Variants in DCC observed in about 807,000 individuals in gnomAD.
DCC encodes the protein netrin receptor DCC.
In DCC, 58 loss-of-function variants were observed where a neutral mutation model predicts 172.5. The observed-to-expected ratio is 0.34, with a 90% confidence interval of 0.27 to 0.42. The LOEUF (loss-of-function observed/expected upper bound fraction) is 0.42. DCC is among the 10% of genes least tolerant of loss of function. The pLI is 1.00. For synonymous variants in DCC, 709 were observed against 644.5 expected (o/e 1.10, Z -1.52); for missense variants, 1,740 against 1,791.0 (o/e 0.97, Z 0.51).
chr18:52,660,382 T>A (rs2144945699), intron 1 of DCC, among the ~76,000 whole-genome samples: 1 of 152,214 alleles, frequency 6.6e-6, no homozygotes, highest in Non-Finnish European at 1.5e-5. Context: ...CAATAGTCAA[T>A]TTAAATCCAA....
chr18:53,333,090 A>G (rs1462717122), intron 14 of DCC, among the ~76,000 whole-genome samples: 1 of 151,900 alleles, frequency 6.6e-6, no homozygotes, highest in Non-Finnish European at 1.5e-5. Context: ...AAAAAGGAGA[A>G]TATTGACAAA....
intron 7 of DCC, among the ~76,000 whole-genome samples, chr18:53,154,248 A>G (rs1284056296): frequency 6.6e-6 from 1 of 152,170 alleles, no homozygotes; most frequent in African/African-American, 2.4e-5. Flanking sequence ...AGGTATAGCC[A>G]TATAGATAAT....
chr18:52,390,824 TTG>T (rs1986002419), intron 1 of DCC, among the ~76,000 whole-genome samples: 1 of 152,220 alleles, frequency 6.6e-6, no homozygotes, highest in South Asian at 2.1e-4. Flanking sequence ...AAGTCAGAAA[TTG>T]TTAGTTGTAT....
intron 12 of DCC, among the ~76,000 whole-genome samples, chr18:53,288,099 A>C (rs1288874492): frequency 6.6e-6 from 1 of 152,146 alleles, no homozygotes; most frequent in Admixed American, 6.5e-5. Flanking sequence ...TTAGTTAAAA[A>C]TTGACTTTCT....
intron 5 of DCC, among the ~76,000 whole-genome samples, chr18:52,980,493 C>T (rs1027544333): frequency 1.3e-5 from 2 of 151,796 alleles, no homozygotes; most frequent in East Asian, 1.9e-4. Context: ...TTTGTTGGCT[C>T]GTTTCAAGGG....
chr18:52,895,014 G>A lies in DCC; in HGVS notation c.413-11030G>A, dbSNP rs117192509. ...TGACTGACTGACTGAATGAGTGGGT[G>A]ATCTGGGAATTCTCATTAAGTAATG... is the stretch of plus-strand genomic sequence containing the variant. On this transcript the variant is annotated intron_variant, in intron 2 of 28. Coordinates refer to ENST00000442544, the MANE Select transcript of DCC (RefSeq NM_005215.4). Among the ~76,000 whole-genome samples the A allele has an allele frequency of 3.9e-3, 601 of 152,328 alleles. 3 individuals are homozygous for A. The highest frequency in any genetic ancestry group is 6.3e-3 in the Non-Finnish European group (431 of 68,026).
At chr18:52,378,557 G>T (rs553888586) in intron 1 of DCC, among the ~76,000 whole-genome samples, 4 of 151,296 alleles carry the variant, frequency 2.6e-5, no homozygotes, top group South Asian at 2.1e-4. Flanking sequence ...TACTTTTTTT[G>T]AGAGAGAGAG....
intron 1 of DCC, among the ~76,000 whole-genome samples, chr18:52,451,456 C>T (rs1022427566): frequency 2.0e-5 from 3 of 152,116 alleles, no homozygotes; most frequent in African/African-American, 4.8e-5. Context: ...CTCACACGCC[C>T]GGTAGCCCCA....
intron 15 of DCC, among the ~76,000 whole-genome samples, chr18:53,358,367 C>CA (rs571966258): frequency 2.6e-5 from 4 of 151,232 alleles, no homozygotes; most frequent in Non-Finnish European, 4.4e-5. Context: ...TGTTTACTTA[C>CA]AAAAAAAATT....
intron 21 of DCC, among the ~76,000 whole-genome samples, chr18:53,432,737 T>G (rs1282537039): frequency 8.1e-5 from 10 of 123,492 alleles, no homozygotes; most frequent in African/African-American, 3.9e-4. Context: ...GAGAATCTTT[T>G]ATCATTATTA....
intron 24 of DCC, among the ~76,000 whole-genome samples, chr18:53,466,604 C>T (rs1352145703): frequency 6.6e-6 from 1 of 152,156 alleles, no homozygotes; most frequent in Non-Finnish European, 1.5e-5. Flanking sequence ...CAGCTCATTG[C>T]AACCTCCGCC....
chr18:52,970,836 G>GT (rs1319947159), intron 5 of DCC, among the ~76,000 whole-genome samples: 1 of 152,132 alleles, frequency 6.6e-6, no homozygotes, highest in African/African-American at 2.4e-5. Context: ...GGAGCTTGGG[G>GT]TATTATTAGG....
chr18:53,338,953 A>G (rs1018547392), intron 14 of DCC, among the ~76,000 whole-genome samples: 1 of 152,224 alleles, frequency 6.6e-6, no homozygotes, highest in Non-Finnish European at 1.5e-5. Context: ...TGAGTATACA[A>G]TACAAGTTTG....
intron 17 of DCC, 76 bp from the exon 18 acceptor site, chr18:53,397,232 A>T: frequency 7.3e-7 from 1 of 1,366,368 alleles, no homozygotes; most frequent in Non-Finnish European, 1.0e-6. Flanking sequence ...CTTATTTAAT[A>T]GTCTTTTTAT....
chr18:53,046,861 T>G (rs1266668778), intron 5 of DCC, among the ~76,000 whole-genome samples: 1 of 151,876 alleles, frequency 6.6e-6, no homozygotes, highest in Non-Finnish European at 1.5e-5. Context: ...TGACTTACTC[T>G]AAAGAGTCCG....
In DCC at chr18:52,855,763, C is replaced by CTTTT. The variant is rs71175526; in HGVS notation, c.413-50265_413-50262dup. 7.6e-3 allele frequency among the ~76,000 whole-genome samples: 921 copies of CTTTT among 121,206 alleles called. 15 individuals carry two copies. The highest frequency in any genetic ancestry group is 0.011 in the Non-Finnish European group (629 of 59,026). 79.5% of individuals were successfully genotyped at this position (121,206 alleles called of 152,430 possible). A position where few individuals can be genotyped will look rare whatever the true frequency, so the allele number is the denominator to read the frequency against. On this transcript the variant is annotated intron_variant, in intron 2 of 28. Transcript: ENST00000442544. ...GACTTAAAACATTAGCGTATAAATT[C>CTTTT]TTTTTTTTTTTTTTTTTTTGAGATG...
At chr18:53,353,121 T>C (rs1284849616) in intron 15 of DCC, among the ~76,000 whole-genome samples, 18 of 151,856 alleles carry the variant, frequency 1.2e-4, no homozygotes, top group Non-Finnish European at 2.9e-5. Flanking sequence ...CTACTAAAAA[T>C]ACAAAATTAG....
intron 1 of DCC, among the ~76,000 whole-genome samples, chr18:52,490,771 A>G (rs1166884992): frequency 1.3e-5 from 2 of 152,038 alleles, no homozygotes; most frequent in African/African-American, 4.8e-5. Flanking sequence ...GTTTTGGGGT[A>G]TTAGGGACAG....
chr18:52,848,197 T>C (rs1163755518), intron 2 of DCC, among the ~76,000 whole-genome samples: 2 of 151,076 alleles, frequency 1.3e-5, no homozygotes, highest in Non-Finnish European at 2.9e-5. Flanking sequence ...TAGATTCTCC[T>C]GCCCCAGCCT....
Sources: allele counts gnomAD v4.1 joint callset (sites outside exome capture counted in the v4.1 genomes callset), GRCh38; gene constraint gnomAD v4.1.1; transcripts MANE v1.5; gene names NCBI Gene and HGNC (gene_info 2026-07-23, HGNC 2026-07-21).